The following ZNF804A variants were observed in gnomAD, a reference collection of about 807,000 sequenced individuals.
ZNF804A encodes zinc finger protein 804A.
Under a neutral mutation model 16.5 loss-of-function variants are expected in ZNF804A, and 2 were observed. The observed-to-expected ratio is 0.12, with a 90% CI of 0.05 to 0.38. ZNF804A has a LOEUF of 0.38. Ranked by LOEUF, ZNF804A falls within the 10% of genes least tolerant of loss-of-function variation. ZNF804A has a pLI of 0.99. For synonymous variants in ZNF804A, 534 were observed against 489.6 expected (o/e 1.09, Z -1.20); for missense variants, 1,473 against 1,390.7 (o/e 1.06, Z -0.94).
rs141126301 is a variant in ZNF804A at position 184,835,397 on chromosome 2, G to C, written c.112-30972G>C. ...GATTATGCAGTAATTTCTAGAAAAA[G>C]GATGGTAACTTCTGGGTATCCAGTG... On this transcript the variant is annotated intron_variant, in intron 1 of 3. Coordinates refer to ENST00000302277, the MANE Select transcript of ZNF804A (RefSeq NM_194250.2). 8.6e-3 allele frequency among the ~76,000 whole-genome samples: 1,312 copies of C among 152,202 alleles called. 22 individuals are homozygous for C. Among genetic ancestry groups the C allele is most frequent in the African/African-American group, 0.03 (1,255 of 41,546 alleles).
chr2:184,599,236 G>A (rs375214211), intron 1 of ZNF804A, among the ~76,000 whole-genome samples, 166 bp downstream of exon 1: 12 of 152,090 alleles, frequency 7.9e-5, no homozygotes, highest in African/African-American at 2.9e-4. Context: ...GGGTCTTAGG[G>A]AAGCTGTGAT....
At position 184,843,190 on chromosome 2, in the gene ZNF804A, C is replaced by G. The variant is rs192255806; in HGVS notation, c.112-23179C>G. Among the ~76,000 whole-genome samples the G allele has an allele frequency of 1.3e-3, 191 of 152,212 alleles. 1 individual carries two copies. The highest frequency in any genetic ancestry group is 4.1e-3 in the African/African-American group (170 of 41,542). ...ACTCCATCCTTGAGTGTGAAAAACC[C>G]AAAAGTTCCAGGTGCAAATGCCCAC... On this transcript the variant is annotated intron_variant, in intron 1 of 3. Transcript: ENST00000302277.
chr2:184,640,264 AAAG>A (rs1476208413), intron 1 of ZNF804A, among the ~76,000 whole-genome samples: 1 of 151,542 alleles, frequency 6.6e-6, no homozygotes, highest in Non-Finnish European at 1.5e-5. Flanking sequence ...GAAGAAGAAG[AAAG>A]GAGGAGGAGG....
intron 1 of ZNF804A, among the ~76,000 whole-genome samples, chr2:184,763,094 C>A (rs1286975421): frequency 6.6e-6 from 1 of 152,088 alleles, no homozygotes; most frequent in African/African-American, 2.4e-5. Context: ...TTTCTCAAAT[C>A]TTTCTCATGA....
At chr2:184,787,989 C>G (rs542157616) in intron 1 of ZNF804A, among the ~76,000 whole-genome samples, 56 of 151,678 alleles carry the variant, frequency 3.7e-4, no homozygotes, top group Non-Finnish European at 7.5e-4. Flanking sequence ...TAGGTTTAGG[C>G]CTTTAATCCT....
Position 184,764,609 on chromosome 2 carries a change from C to T in ZNF804A, c.112-101760C>T, listed in dbSNP as rs141073656. ...TAATCCAGGTATATGATTCCCTTCC[C>T]TTCTTTTAAAAAAGATACAAAACAA... On this transcript the variant is annotated intron_variant, in intron 1 of 3. Transcript: ENST00000302277. 3.3e-4 allele frequency among the ~76,000 whole-genome samples: 50 copies of T among 152,214 alleles called. No individual in the cohort carries two copies. In the East Asian group the frequency reaches 6.8e-3, roughly 21 times the overall value.
intron 1 of ZNF804A, among the ~76,000 whole-genome samples, chr2:184,862,174 T>A (rs1695811214): frequency 6.6e-6 from 1 of 152,174 alleles, no homozygotes; most frequent in Non-Finnish European, 1.5e-5. Flanking sequence ...CTCAAATGTA[T>A]CTCTTACTTT....
intron 1 of ZNF804A, among the ~76,000 whole-genome samples, chr2:184,691,140 T>C (rs1692718884): frequency 6.6e-6 from 1 of 152,028 alleles, no homozygotes; most frequent in African/African-American, 2.4e-5. Flanking sequence ...GGGATGATCA[T>C]GCTTTTTCTT....
At chr2:184,764,108 A>T (rs924319478) in intron 1 of ZNF804A, among the ~76,000 whole-genome samples, 1 of 152,168 alleles carries the variant, frequency 6.6e-6, no homozygotes, top group East Asian at 1.9e-4. Flanking sequence ...TGAATCTCTG[A>T]TATAAAACCC....
rs947040081 is a variant in ZNF804A, at chr2:184,796,937, G to T, written c.112-69432G>T. ...AATTTCCATATACTTCCATGGTTTT[G>T]AATATTTTTTTGAGGGGTTGATTTC... is the stretch of plus-strand genomic sequence containing the variant. On this transcript the variant is annotated intron_variant, in intron 1 of 3. Transcript: ENST00000302277. Among the ~76,000 whole-genome samples the T allele has an allele frequency of 2.6e-5, 4 of 152,004 alleles. No homozygotes were observed. The South Asian group carries it at 8.3e-4, about 32-fold the overall frequency.
At position 184,866,432 on chromosome 2, in the gene ZNF804A, T is replaced by G; in HGVS notation, c.175T>G (p.Cys59Gly). The G allele has an allele frequency of 6.2e-7, 1 of 1,613,322 alleles. No homozygotes were observed. The highest frequency in any genetic ancestry group is 1.1e-5 in the South Asian group (1 of 91,056). The change falls in exon 2 of 4, where the codon TGT becomes GGT. Residue 59 changes from cysteine to glycine, a missense_variant. Cys to Gly is a radical substitution (Grantham distance 159). Transcript: ENST00000302277. ...GGAAGATCTGAAGGCAAATTTTTAC[T>G]GTGAACTCTGTGACAAGCAGTACTA... ...ALEDLKANFYCELCDKQYYKH... is the reference protein window; with the variant it reads ...ALEDLKANFYGELCDKQYYKH...
chr2:184,688,444 A>G (rs1265890590), intron 1 of ZNF804A, among the ~76,000 whole-genome samples: 2 of 152,050 alleles, frequency 1.3e-5, no homozygotes, highest in East Asian at 1.9e-4. Context: ...CAAAGAATAA[A>G]CCTAAAAATT....
intron 1 of ZNF804A, among the ~76,000 whole-genome samples, chr2:184,603,341 T>C (rs1351017569): frequency 6.6e-6 from 1 of 152,210 alleles, no homozygotes; most frequent in Non-Finnish European, 1.5e-5. Context: ...TGTAGGTTTC[T>C]TGTCACTCAG....
At chr2:184,838,915 A>G (rs919947851) in intron 1 of ZNF804A, among the ~76,000 whole-genome samples, 3 of 152,150 alleles carry the variant, frequency 2.0e-5, no homozygotes, top group Non-Finnish European at 4.4e-5. Context: ...TCTCTGTGTT[A>G]GAAAACTGAA....
chr2:184,765,862 A>G (rs780720178), intron 1 of ZNF804A, among the ~76,000 whole-genome samples: 2 of 152,106 alleles, frequency 1.3e-5, no homozygotes, highest in Non-Finnish European at 2.9e-5. Context: ...AACAAGTAGT[A>G]TTTTATTTAA....
chr2:184,914,796 G>GTC (rs1197507780), intron 2 of ZNF804A, among the ~76,000 whole-genome samples: 45 of 151,856 alleles, frequency 3.0e-4, no homozygotes, highest in South Asian at 1.7e-3. Flanking sequence ...CACTACAACT[G>GTC]TGTCTATATA....
chr2:184,833,941 C>G (rs1695304551), intron 1 of ZNF804A, among the ~76,000 whole-genome samples: 2 of 151,944 alleles, frequency 1.3e-5, no homozygotes, highest in Admixed American at 1.3e-4. Context: ...CATATGACTT[C>G]CTTTGTAAGT....
chr2:184,620,751 C>T (rs1289959860), intron 1 of ZNF804A, among the ~76,000 whole-genome samples: 2 of 151,572 alleles, frequency 1.3e-5, no homozygotes, highest in African/African-American at 4.8e-5. Flanking sequence ...ATGTAATAAG[C>T]ATTCTGTAGA....
chr2:184,775,002 T>C lies in ZNF804A; in HGVS notation c.112-91367T>C, dbSNP rs369534360. The stretch of plus-strand genomic sequence containing the variant: ...TTTCGAAAAGCAACATAAATATGTC[T>C]ATATTTGTTTAATGGCATGATTGCC... On this transcript the variant is annotated intron_variant, in intron 1 of 3. Coordinates refer to ENST00000302277, the MANE Select transcript of ZNF804A (RefSeq NM_194250.2). Among the ~76,000 whole-genome samples the C allele has an allele frequency of 4.6e-5, 7 of 151,876 alleles. No homozygotes were observed. The South Asian group carries it at 8.3e-4, about 18-fold the overall frequency.
Sources: allele counts gnomAD v4.1 joint callset (sites outside exome capture counted in the v4.1 genomes callset), GRCh38; gene constraint gnomAD v4.1.1; transcripts MANE v1.5; gene names NCBI Gene and HGNC (gene_info 2026-07-23, HGNC 2026-07-21).